ANK3: variants seen among roughly 807,000 people sequenced by gnomAD.
ANK3 encodes the protein ankyrin 3.
A neutral mutation model predicts 370.9 loss-of-function variants in ANK3; 57 were observed. The observed-to-expected ratio is 0.15, with a 90% CI of 0.12 to 0.19. The LOEUF (loss-of-function observed/expected upper bound fraction) is 0.19, where lower values mean the gene tolerates loss of function less well. ANK3 is among the 10% of genes least tolerant of loss of function. ANK3 has a pLI of 1.00. For synonymous variants in ANK3, 1,929 were observed against 1,946.3 expected, an observed-to-expected ratio of 0.99 and a Z score of 0.23; for missense variants, 4,439 against 5,302.1, an observed-to-expected ratio of 0.84 and a Z score of 5.06.
At chr10:60,203,985 A>AT (rs750442984) in intron 11 of ANK3, among the ~76,000 whole-genome samples, 1 of 152,070 alleles carries the variant, frequency 6.6e-6, no homozygotes, top group African/African-American at 2.4e-5. Context: ...TTGATAAAAC[A>AT]TTTTTTTTAG....
At chr10:60,379,997 C>T (rs868559174) in intron 1 of ANK3, among the ~76,000 whole-genome samples, 2 of 151,096 alleles carry the variant, frequency 1.3e-5, no homozygotes, top group Admixed American at 6.6e-5. Context: ...TAAAAAAAAT[C>T]GAAGAACCCC....
chr10:60,380,245 G>C (rs1355236088), intron 1 of ANK3, among the ~76,000 whole-genome samples: 1 of 152,082 alleles, frequency 6.6e-6, no homozygotes, highest in Non-Finnish European at 1.5e-5. Context: ...TCTTTAGGGG[G>C]AAAGAGATAA....
chr10:60,178,429 C>T (rs2096042790), intron 18 of ANK3, among the ~76,000 whole-genome samples: 1 of 152,084 alleles, frequency 6.6e-6, no homozygotes, highest in South Asian at 2.1e-4. Flanking sequence ...CTAATTTTAC[C>T]AGCCTCATAG....
intron 26 of ANK3, chr10:60,111,818 A>G: frequency 2.2e-6 from 1 of 448,096 alleles, no homozygotes; most frequent in South Asian, 1.6e-5. Context: ...ATATAATTAG[A>G]AGCAAGCAAC....
intron 23 of ANK3, among the ~76,000 whole-genome samples, chr10:60,143,136 T>C (rs1209126171): frequency 6.6e-6 from 1 of 152,194 alleles, no homozygotes; most frequent in Non-Finnish European, 1.5e-5. Flanking sequence ...CTATTTATAC[T>C]GGTAAAGGCA....
chr10:60,311,372 A>T (rs2046309714), intron 1 of ANK3, among the ~76,000 whole-genome samples: 1 of 152,078 alleles, frequency 6.6e-6, no homozygotes. Context: ...AAACCACTGA[A>T]ATGTAACCCT....
intron 2 of ANK3, among the ~76,000 whole-genome samples, chr10:60,435,262 T>C (rs1239557964): frequency 1.3e-5 from 2 of 152,200 alleles, no homozygotes; most frequent in Non-Finnish European, 2.9e-5. Context: ...CTAAGAAAAG[T>C]TGTTTCCTAC....
chr10:60,566,157 C>A (rs1268407999), intron 2 of ANK3, among the ~76,000 whole-genome samples: 1 of 152,130 alleles, frequency 6.6e-6, no homozygotes, highest in Non-Finnish European at 1.5e-5. Context: ...TAGCCACAAA[C>A]CACATCCATA....
intron 8 of ANK3, among the ~76,000 whole-genome samples, chr10:60,228,603 T>C (rs2097199272): frequency 6.6e-6 from 1 of 152,064 alleles, no homozygotes. Context: ...ATGTTACATG[T>C]TTGAAACAAT....
intron 38 of ANK3, among the ~76,000 whole-genome samples, chr10:60,065,170 GCTTT>G (rs1464725217): frequency 2.0e-4 from 30 of 152,130 alleles, no homozygotes; most frequent in Admixed American, 3.9e-4. Context: ...AAGGGAGACA[GCTTT>G]CTGTCCATCT....
rs537175371 is a variant in ANK3 at position 60,402,306 on chromosome 10, T to G, written c.97-122667A>C. On this transcript the variant is annotated intron_variant, in intron 2 of 43. Coordinates refer to the ANK3 transcript ENST00000373827. ...CTAAGAATATAAATAAAAAAATGCA[T>G]AAGTATTAACGGGGTAAATGGTTTT... is the stretch of plus-strand genomic sequence containing the variant. 4.5e-4 allele frequency among the ~76,000 whole-genome samples: 69 copies of G among 152,306 alleles called. No homozygotes were observed. In the South Asian group the frequency reaches 0.013, roughly 30 times the overall value.
At chr10:60,237,125 G>A (rs531870032) in intron 7 of ANK3, among the ~76,000 whole-genome samples, 1 of 152,342 alleles carries the variant, frequency 6.6e-6, no homozygotes, top group African/African-American at 2.4e-5. Flanking sequence ...CTTTGGGCAC[G>A]CTGTGGTCTT....
chr10:60,358,466 G>A (rs917447960), intron 1 of ANK3, among the ~76,000 whole-genome samples: 1 of 152,106 alleles, frequency 6.6e-6, no homozygotes, highest in Non-Finnish European at 1.5e-5. Flanking sequence ...TTACTTCTCA[G>A]CCTCTCATTT....
intron 2 of ANK3, among the ~76,000 whole-genome samples, chr10:60,516,353 G>T (rs980661356): frequency 6.6e-6 from 1 of 152,082 alleles, no homozygotes; most frequent in Non-Finnish European, 1.5e-5. Flanking sequence ...TGGGAGCCAG[G>T]ATCTGTTCTG....
At chr10:60,440,254 T>A (rs996760824) in intron 2 of ANK3, among the ~76,000 whole-genome samples, 4 of 152,138 alleles carry the variant, frequency 2.6e-5, no homozygotes, top group Non-Finnish European at 5.9e-5. Flanking sequence ...AGAAGTGGCC[T>A]AGTGTAGTAG....
At chr10:60,291,933 T>C (rs560387703) in intron 1 of ANK3, among the ~76,000 whole-genome samples, 2 of 152,168 alleles carry the variant, frequency 1.3e-5, no homozygotes, top group South Asian at 4.1e-4. Flanking sequence ...AGGCTGTTCT[T>C]GACTTTTTGT....
At position 60,705,658 on chromosome 10, in the gene ANK3, A is replaced by C. The variant is rs191591501; in HGVS notation, c.57+27605T>G. Among the ~76,000 whole-genome samples, 4 of 152,210 alleles carry C rather than the reference A, an allele frequency of 2.6e-5. No homozygotes were observed. In the East Asian group the frequency reaches 7.7e-4, roughly 29 times the overall value. On this transcript the variant is annotated intron_variant, in intron 1 of 43. Transcript: ENST00000373827. ...CTTCCCCCACAAAATATGAATGTAC[A>C]AAACCCACTAAAACCCCCCTTCAAG...
At position 60,068,914 on chromosome 10, in the gene ANK3, G is replaced by A. The variant is rs1366975386; in HGVS notation, c.11967C>T (p.Leu3989=). 6.2e-7 allele frequency: 1 copy of A among 1,614,038 alleles called. No individual in the cohort carries two copies. The highest frequency in any genetic ancestry group is 1.1e-5 in the South Asian group (1 of 91,064). The part of the protein sequence containing the change: ...SCTVKVRKSQ[L]KEVCKHSIEY... The stretch of plus-strand genomic sequence containing the variant: ...CAATGGAATGTTTACATACTTCCTT[G>A]AGCTGACTTTTCCTAACTTTAACTG... Residue 3989 remains leucine (L), a synonymous_variant, in exon 37 of 44, where the codon CTC becomes CTT. Coordinates refer to ENST00000280772, the MANE Select transcript of ANK3 (RefSeq NM_020987.5).
At chr10:60,050,220 A>G (rs1420242832) in intron 42 of ANK3, among the ~76,000 whole-genome samples, 1 of 152,242 alleles carries the variant, frequency 6.6e-6, no homozygotes, top group African/African-American at 2.4e-5. Context: ...CTAGACAGCA[A>G]TAAGTAATTT....
Sources: gnomAD v4.1 joint callset for allele counts (sites outside exome capture counted in the v4.1 genomes callset) on GRCh38, gnomAD v4.1.1 for gene constraint, MANE v1.5 for transcripts, NCBI Gene and HGNC (gene_info 2026-07-23, HGNC 2026-07-21) for gene names.